Variants in DEFB136 observed in about 807,000 individuals in gnomAD.
DEFB136 encodes beta-defensin 136.
DEFB136 carries 6 observed loss-of-function variants against 2.4 expected under a neutral mutation model. That is an observed-to-expected ratio of 2.45 (90% CI 1.34 to 4.84). The LOEUF (loss-of-function observed/expected upper bound fraction) is 4.84, where lower values mean the gene tolerates loss of function less well. Among genes scored for constraint, DEFB136 ranks in the 30% most tolerant of loss-of-function variants. The probability of loss-of-function intolerance (pLI) is 0.00; values close to 1 mark genes in which losing one functional copy is unlikely to be tolerated. For synonymous variants in DEFB136, 47 were observed against 35.2 expected (o/e 1.33, Z -1.18); for missense variants, 126 against 98.4 (o/e 1.28, Z -1.19).
In DEFB136 at chr8:11,974,544, C is replaced by A. The variant is rs747783073; in HGVS notation, c.55+1G>T. The stretch of plus-strand genomic sequence containing the variant: ...GTTCAGACTCACGCCCACTGTCTTA[C>A]CTGAAGGCAGTAAGATCACCAGGAA... On this transcript the variant is annotated splice_donor_variant, in intron 1 of 1. Transcript: ENST00000382209. LOFTEE classifies it high-confidence loss of function. 6.2e-7 allele frequency: 1 copy of A among 1,614,074 alleles called. No individual in the cohort carries two copies. Among genetic ancestry groups the A allele is most frequent in the South Asian group, 1.1e-5 (1 of 91,070 alleles).
At chr8:11,974,406 T>A in intron 1 of DEFB136, 139 bp downstream of exon 1, 1 of 1,056,318 alleles carries the variant, frequency 9.5e-7, no homozygotes, top group Non-Finnish European at 1.4e-6. Flanking sequence ...GGAGCTGGGG[T>A]CCGCTCACCA....
In DEFB136 at chr8:11,974,412, C is replaced by T. The variant is rs988044129; in HGVS notation, c.55+133G>A. 3.5e-6 allele frequency: 4 copies of T among 1,128,230 alleles called. No individual in the cohort carries two copies. In the East Asian group the frequency reaches 9.5e-5, roughly 27 times the overall value. 69.9% of individuals were successfully genotyped at this position (1,128,230 alleles called of 1,614,324 possible). ...AGCAGGGCAGGAGCTGGGGTCCGCT[C>T]ACCATGCCCCTAACATGGTGGCCCA... is the stretch of plus-strand genomic sequence containing the variant. On this transcript the variant is annotated intron_variant, in intron 1 of 1. Coordinates refer to ENST00000382209, the MANE Select transcript of DEFB136 (RefSeq NM_001033018.2).
chr8:11,974,039 C>A lies in DEFB136; in HGVS notation c.135G>T (p.Pro45=), dbSNP rs373367694. ...SQKAVCFFGC[P]PGYRWIAFCH... ...AGAACGCAATCCACCTGTATCCTGG[C>A]GGACACCCGAAGAAACATACGGCTT... is the stretch of plus-strand genomic sequence containing the variant. The change falls in exon 2 of 2, where the codon CCG becomes CCT. Residue 45 remains proline, a synonymous_variant. Coordinates refer to ENST00000382209, the MANE Select transcript of DEFB136 (RefSeq NM_001033018.2). The A allele has an allele frequency of 1.9e-6, 3 of 1,611,256 alleles. No individual in the cohort carries two copies. The highest frequency in any genetic ancestry group is 2.5e-6 in the Non-Finnish European group (3 of 1,178,702).
intron 1 of DEFB136, 87 bp downstream of exon 1, chr8:11,974,458 G>C: frequency 6.7e-7 from 1 of 1,496,402 alleles, no homozygotes; most frequent in Admixed American, 1.7e-5. Context: ...GTGTCCTGTT[G>C]CTGGGCTTAT....
rs376049618 is a variant in DEFB136, at chr8:11,974,125, C to T, written c.56-7G>A. ...TTCCCAAACATACCTTTTCCTGAAGCGGGGAGAGACCACAGAAAAGAAAAA... is the reference window on the plus strand; with the variant it reads ...TTCCCAAACATACCTTTTCCTGAAGTGGGGAGAGACCACAGAAAAGAAAAA... On this transcript the variant is annotated splice_region_variant and splice_polypyrimidine_tract_variant and intron_variant, in intron 1 of 1. Transcript: ENST00000382209. 9.3e-5 allele frequency: 143 copies of T among 1,543,334 alleles called. No homozygotes were observed. Among genetic ancestry groups the T allele is most frequent in the Non-Finnish European group, 1.1e-4 (131 of 1,146,578 alleles).
At chr8:11,974,338 A>AC (rs1799551686) in intron 1 of DEFB136, among the ~76,000 whole-genome samples, 1 of 151,946 alleles carries the variant, frequency 6.6e-6, no homozygotes. Context: ...AATGACATCC[A>AC]CCCCCGTCCC....
rs10108075 is a variant in DEFB136 at position 11,974,570 on chromosome 8, A to G, written c.30T>C (p.Phe10=). MNLCLSALL[F]FLVILLPSGK... ...CTGAAGGCAGTAAGATCACCAGGAA[A>G]AAGAGTAATGCAGAAAGACAGAGGT... is the stretch of plus-strand genomic sequence containing the variant. Residue 10 remains phenylalanine (F), a synonymous_variant, in exon 1 of 2, where the codon TTT becomes TTC. Coordinates refer to ENST00000382209, the MANE Select transcript of DEFB136 (RefSeq NM_001033018.2). 920,483 of 1,613,404 alleles carry G rather than the reference A, an allele frequency of 0.57. 274,132 individuals carry two copies. The highest frequency in any genetic ancestry group is 0.99 in the East Asian group (44,293 of 44,880).
intron 1 of DEFB136, 66 bp downstream of exon 1, chr8:11,974,479 T>C: frequency 1.3e-6 from 2 of 1,574,830 alleles, no homozygotes; most frequent in Non-Finnish European, 1.7e-6. Context: ...AGTTAGAGGG[T>C]TTTTTAAGCA....
intron 1 of DEFB136, 42 bp downstream of exon 1, chr8:11,974,503 G>A (rs1278351531): frequency 1.2e-6 from 2 of 1,608,406 alleles, no homozygotes; most frequent in East Asian, 4.5e-5. Context: ...CAATCTTTGG[G>A]AACACCCACT....
chr8:11,974,581 C>G lies in DEFB136; in HGVS notation c.19G>C (p.Ala7Pro). ...AAGATCACCAGGAAAAAGAGTAATG[C>G]AGAAAGACAGAGGTTCATGGCCGAA... The part of the protein sequence containing the change: MNLCLS[A>P]LLFFLVILLP... The change falls in exon 1 of 2, where the codon GCA becomes CCA. Residue 7 changes from alanine to proline, a missense_variant. Physicochemically the swap from Ala to Pro is conservative, Grantham distance 27 (BLOSUM62 -1). Transcript: ENST00000382209. 6.2e-7 allele frequency: 1 copy of G among 1,614,080 alleles called. No individual in the cohort carries two copies. The highest frequency in any genetic ancestry group is 8.5e-7 in the Non-Finnish European group (1 of 1,179,982).
At position 11,973,944 on chromosome 8, in the gene DEFB136, A is replaced by T; in HGVS notation, c.230T>A (p.Val77Asp). 6.3e-7 allele frequency: 1 copy of T among 1,584,222 alleles called. No homozygotes were observed. The highest frequency in any genetic ancestry group is 8.6e-7 in the Non-Finnish European group (1 of 1,165,726). Residue 77 changes from valine to aspartate, a missense_variant, in exon 2 of 2, where the codon GTT (valine) becomes GAT (aspartate). Coordinates refer to ENST00000382209, the MANE Select transcript of DEFB136 (RefSeq NM_001033018.2). Reference protein sequence around the residue: ...FQPPQAKDPWVH With the variant: ...FQPPQAKDPWDH ...AGCCATTCACATATCCTTTTAATGA[A>T]CCCATGGATCTTTGGCTTGCGGGGG...
At chr8:11,974,462 G>T in intron 1 of DEFB136, 83 bp downstream of exon 1, 1 of 1,512,650 alleles carries the variant, frequency 6.6e-7, no homozygotes, top group Non-Finnish European at 9.2e-7. Flanking sequence ...CCTGTTGCTG[G>T]GCTTATAGTT....
rs988044129 is a variant in DEFB136 at position 11,974,412 on chromosome 8, C to A, written c.55+133G>T. Reference sequence around the variant, plus strand: ...AGCAGGGCAGGAGCTGGGGTCCGCTCACCATGCCCCTAACATGGTGGCCCA... The same window carrying A: ...AGCAGGGCAGGAGCTGGGGTCCGCTAACCATGCCCCTAACATGGTGGCCCA... On this transcript the variant is annotated intron_variant, in intron 1 of 1. Transcript: ENST00000382209. 7.6e-5 allele frequency: 86 copies of A among 1,128,232 alleles called. No homozygotes were observed. In the African/African-American group the frequency reaches 1.2e-3, roughly 16 times the overall value. 69.9% of individuals were successfully genotyped at this position (1,128,232 alleles called of 1,614,324 possible). A position where few individuals can be genotyped will look rare whatever the true frequency, so the allele number is the denominator to read the frequency against.
intron 1 of DEFB136, 92 bp from the exon 2 acceptor site, chr8:11,974,210 TGTTA>T: frequency 4.2e-6 from 6 of 1,425,266 alleles, no homozygotes; most frequent in Non-Finnish European, 3.8e-6. Context: ...GTTGATGGCT[TGTTA>T]GTTGTGATTT....
chr8:11,974,508 C>G (rs901015798), intron 1 of DEFB136, 37 bp downstream of exon 1: 1 of 1,611,036 alleles, frequency 6.2e-7, no homozygotes, highest in Non-Finnish European at 8.5e-7. Context: ...TTTGGGAACA[C>G]CCACTTTTAT....
In DEFB136 at chr8:11,974,145, G is replaced by C. The variant is rs193134643; in HGVS notation, c.56-27C>G. 2.0e-4 allele frequency: 308 copies of C among 1,521,890 alleles called. 2 individuals carry two copies. The East Asian group carries it at 7.1e-3, about 35-fold the overall frequency. 94.3% of individuals were successfully genotyped at this position (1,521,890 alleles called of 1,614,324 possible). ...TGAAGCGGGGAGAGACCACAGAAAA[G>C]AAAAATCAATCTTAATGAGGCTGGG... On this transcript the variant is annotated intron_variant, in intron 1 of 1. Coordinates refer to ENST00000382209, the MANE Select transcript of DEFB136 (RefSeq NM_001033018.2).
rs988070055 is a variant in DEFB136, at chr8:11,973,966, G to T, written c.208C>A (p.Pro70Thr). ...CCKNMTRFQP[P>T]QAKDPWVH is the part of the protein sequence containing the mutation. ...TGAACCCATGGATCTTTGGCTTGCG[G>T]GGGTTGAAAACGTGTCATATTTTTA... Residue 70 changes from proline to threonine, a missense_variant, in exon 2 of 2, where the codon CCG (proline) becomes ACG (threonine). Pro to Thr is a conservative substitution (Grantham distance 38). Coordinates refer to ENST00000382209, the MANE Select transcript of DEFB136 (RefSeq NM_001033018.2). 1 of 1,602,964 alleles carries T rather than the reference G, an allele frequency of 6.2e-7. No homozygotes were observed. Among genetic ancestry groups the T allele is most frequent in the Non-Finnish European group, 8.5e-7 (1 of 1,175,004 alleles).
chr8:11,974,222 T>C, intron 1 of DEFB136, 104 bp from the exon 2 acceptor site: 1 of 1,372,160 alleles, frequency 7.3e-7, no homozygotes, highest in Non-Finnish European at 9.9e-7. Context: ...TTAGTTGTGA[T>C]TTACCTCACC....
intron 1 of DEFB136, 140 bp downstream of exon 1, chr8:11,974,405 G>T: frequency 9.4e-7 from 1 of 1,058,594 alleles, no homozygotes; most frequent in South Asian, 1.4e-5. Context: ...AGGAGCTGGG[G>T]TCCGCTCACC....
Sources: allele counts gnomAD v4.1 joint callset (sites outside exome capture counted in the v4.1 genomes callset), GRCh38; gene constraint gnomAD v4.1.1; transcripts MANE v1.5; gene names NCBI Gene and HGNC (gene_info 2026-07-23, HGNC 2026-07-21).